PIP5K1C: variants seen among roughly 807,000 people sequenced by gnomAD.
The protein encoded by PIP5K1C is phosphatidylinositol 4-phosphate 5-kinase type-1 gamma.
In PIP5K1C, 45 loss-of-function variants were observed where a neutral mutation model predicts 80.1. The observed-to-expected ratio is 0.56, with a 90% CI of 0.44 to 0.72. PIP5K1C has a LOEUF of 0.72. PIP5K1C is among the 30% of genes least tolerant of loss of function. The pLI is 0.00. For synonymous variants in PIP5K1C, 498 were observed against 420.1 expected (o/e 1.19, Z -2.27); for missense variants, 753 against 954.6 (o/e 0.79, Z 2.78).
Position 3,656,522 on chromosome 19 carries a change from G to A in PIP5K1C, c.504C>T (p.Ser168=), listed in dbSNP as rs566754725. ...SLCNEPLIEL[S]NPGASGSLFY... is the part of the protein sequence containing the mutation. ...AGAGGGAGCCACTGGCGCCCGGGTT[G>A]GACAGCTCGATCAGCGGCTCATTGC... The change falls in exon 6 of 18, where the codon TCC becomes TCT. Residue 168 remains serine, a synonymous_variant. Coordinates refer to ENST00000335312, the MANE Select transcript of PIP5K1C (RefSeq NM_012398.3). 16 of 1,613,860 alleles carry A rather than the reference G, an allele frequency of 9.9e-6. No individual in the cohort carries two copies. In the African/African-American group the frequency reaches 1.3e-4, roughly 13 times the overall value.
intron 3 of PIP5K1C, among the ~76,000 whole-genome samples, chr19:3,662,980 G>C (rs1411386258): frequency 6.6e-6 from 1 of 152,106 alleles, no homozygotes; most frequent in Non-Finnish European, 1.5e-5. Context: ...TCCCGCCTCA[G>C]CCTCCCAAGA....
At chr19:3,664,165 C>T (rs1399409467) in intron 3 of PIP5K1C, among the ~76,000 whole-genome samples, 1 of 152,210 alleles carries the variant, frequency 6.6e-6, no homozygotes, top group East Asian at 1.9e-4. Context: ...ACGTCCAGGA[C>T]AGGCTGATCC....
Position 3,643,062 on chromosome 19 carries a change from T to C in PIP5K1C, c.1650-123A>G, listed in dbSNP as rs1049614944. On this transcript the variant is annotated intron_variant, in intron 13 of 17. Coordinates refer to ENST00000335312, the MANE Select transcript of PIP5K1C (RefSeq NM_012398.3). ...CAGCCCTGCCCACCTGTACATATGC[T>C]CCTCCCTCCCACACATTGGATGCTC... 12 of 1,461,150 alleles carry C rather than the reference T, an allele frequency of 8.2e-6. No individual in the cohort carries two copies. In the African/African-American group the frequency reaches 1.3e-4, roughly 15 times the overall value. The allele number at this position is 1,461,150 out of a possible 1,614,324, so 90.5% of individuals were successfully genotyped here.
chr19:3,664,944 C>T (rs771057892), intron 2 of PIP5K1C, 30 bp from the exon 3 acceptor site: 7 of 1,540,478 alleles, frequency 4.5e-6, no homozygotes, highest in South Asian at 1.1e-5. Context: ...AGCGTTAACT[C>T]CCTAAGGAGC....
intron 16 of PIP5K1C, among the ~76,000 whole-genome samples, chr19:3,634,730 C>T (rs2033602959): frequency 1.3e-5 from 2 of 152,234 alleles, no homozygotes; most frequent in Non-Finnish European, 1.5e-5. Flanking sequence ...GGAGCACTGC[C>T]TCTCCCTGCC....
At chr19:3,634,392 C>G (rs1035957427) in intron 16 of PIP5K1C, among the ~76,000 whole-genome samples, 1 of 152,034 alleles carries the variant, frequency 6.6e-6, no homozygotes, top group Non-Finnish European at 1.5e-5. Context: ...GTCCTCCTCT[C>G]TCTCGGGCCT....
chr19:3,694,508 C>T (rs538282372), intron 1 of PIP5K1C, among the ~76,000 whole-genome samples: 110 of 152,342 alleles, frequency 7.2e-4, no homozygotes, highest in African/African-American at 2.4e-3. Flanking sequence ...CTCCAGGCAC[C>T]GGTGGCACTC....
chr19:3,697,778 G>A (rs916717772), intron 1 of PIP5K1C, among the ~76,000 whole-genome samples: 1 of 152,096 alleles, frequency 6.6e-6, no homozygotes, highest in Non-Finnish European at 1.5e-5. Context: ...GCTCAGACAC[G>A]CCCAGGCCAC....
chr19:3,654,968 C>T (rs987694475), intron 6 of PIP5K1C, among the ~76,000 whole-genome samples: 5 of 151,316 alleles, frequency 3.3e-5, no homozygotes, highest in Non-Finnish European at 2.9e-5. Context: ...ATTAGCCAGG[C>T]GTGGTGGTAG....
At chr19:3,639,279 C>A (rs937519885) in intron 15 of PIP5K1C, among the ~76,000 whole-genome samples, 6 of 152,230 alleles carry the variant, frequency 3.9e-5, no homozygotes, top group Non-Finnish European at 8.8e-5. Flanking sequence ...CCACTCCCAG[C>A]TCAGACACAC....
At chr19:3,666,470 C>T (rs1040471029) in intron 2 of PIP5K1C, among the ~76,000 whole-genome samples, 12 of 152,346 alleles carry the variant, frequency 7.9e-5, no homozygotes, top group African/African-American at 2.6e-4. Context: ...TGCACACACA[C>T]AGACAAATAT....
chr19:3,633,394 T>C, intron 17 of PIP5K1C, 43 bp downstream of exon 17: 2 of 1,409,380 alleles, frequency 1.4e-6, no homozygotes, highest in Non-Finnish European at 1.9e-6. Flanking sequence ...CAGTAGAACC[T>C]TGGAGCCCAC....
chr19:3,661,501 G>C (rs2034831910), intron 4 of PIP5K1C, among the ~76,000 whole-genome samples: 3 of 152,220 alleles, frequency 2.0e-5, no homozygotes, highest in Admixed American at 2.0e-4. Context: ...AGCTTTGGCA[G>C]CCACCTGGGA....
chr19:3,670,644 G>A (rs924356714), intron 1 of PIP5K1C, among the ~76,000 whole-genome samples: 2 of 152,320 alleles, frequency 1.3e-5, no homozygotes, highest in East Asian at 1.9e-4. Flanking sequence ...GACCTCACAC[G>A]GAGCCCTCCA....
At chr19:3,683,997 A>G (rs10407872) in intron 1 of PIP5K1C, among the ~76,000 whole-genome samples, 43,817 of 112,660 alleles carry the variant, frequency 0.39, 7,262 homozygotes, top group African/African-American at 0.53. Context: ...TGGAGCCCCC[A>G]CCACCCCGAC....
At chr19:3,644,709 AC>A in intron 11 of PIP5K1C, among the ~76,000 whole-genome samples, 1 of 152,304 alleles carries the variant, frequency 6.6e-6, no homozygotes, top group East Asian at 1.9e-4. Context: ...ATCCAGGCTC[AC>A]CCGCTGGCTG....
chr19:3,650,294 G>A (rs1374713568), intron 8 of PIP5K1C, among the ~76,000 whole-genome samples: 1 of 152,244 alleles, frequency 6.6e-6, no homozygotes, highest in Non-Finnish European at 1.5e-5. Flanking sequence ...TATTTCCTCA[G>A]CTGGAAACAG....
At chr19:3,669,911 G>A (rs1434722008) in intron 1 of PIP5K1C, 2 of 152,402 alleles carry the variant, frequency 1.3e-5, no homozygotes, top group Non-Finnish European at 2.9e-5. Flanking sequence ...AGAACTGCCG[G>A]AGACAAGACG....
At position 3,652,042 on chromosome 19, in the gene PIP5K1C, C is replaced by G. The variant is rs368862269; in HGVS notation, c.922-11G>C. 1 of 1,612,712 alleles carries G rather than the reference C, an allele frequency of 6.2e-7. No individual in the cohort carries two copies. Among genetic ancestry groups the G allele is most frequent in the Non-Finnish European group, 8.5e-7 (1 of 1,179,704 alleles). ...GAAACTTTCCAGGACCTGGCGGGAT[C>G]GGGCAGGAACACGCCACGCCGTCAG... On this transcript the variant is annotated splice_polypyrimidine_tract_variant and intron_variant, in intron 7 of 17. Coordinates refer to ENST00000335312, the MANE Select transcript of PIP5K1C (RefSeq NM_012398.3).
Sources: gnomAD v4.1 joint callset for allele counts (sites outside exome capture counted in the v4.1 genomes callset) on GRCh38, gnomAD v4.1.1 for gene constraint, MANE v1.5 for transcripts, NCBI Gene and HGNC (gene_info 2026-07-23, HGNC 2026-07-21) for gene names.